The following SDR42E2 variants were observed in gnomAD, a reference collection of about 807,000 sequenced individuals.
SDR42E2 encodes the protein short chain dehydrogenase/reductase family 42E, member 2.
Under a neutral mutation model 10.5 loss-of-function variants are expected in SDR42E2, and 20 were observed. That is an observed-to-expected ratio of 1.90 (90% CI 1.34 to 2.77). SDR42E2 has a LOEUF of 2.77. Among genes scored for constraint, SDR42E2 ranks in the 30% most tolerant of loss-of-function variants. SDR42E2 has a pLI of 0.00. For synonymous variants in SDR42E2, 72 were observed against 39.2 expected (o/e 1.84, Z -3.12); for missense variants, 162 against 104.2 (o/e 1.55, Z -2.42).
chr16:22,174,900 T>C (rs2046631878), intron 7 of SDR42E2, among the ~76,000 whole-genome samples: 1 of 152,134 alleles, frequency 6.6e-6, no homozygotes, highest in Non-Finnish European at 1.5e-5. Context: ...GCAAGCTGTT[T>C]ACAGGAAATC....
chr16:22,168,186 G>A (rs1018474791), intron 4 of SDR42E2, among the ~76,000 whole-genome samples: 1 of 151,980 alleles, frequency 6.6e-6, no homozygotes. Context: ...CTTGAGCCCA[G>A]GAGTTCGAGA....
chr16:22,178,787 G>C (rs2046667601), intron 8 of SDR42E2, among the ~76,000 whole-genome samples: 1 of 152,178 alleles, frequency 6.6e-6, no homozygotes, highest in African/African-American at 2.4e-5. Flanking sequence ...AATTAACCAA[G>C]GAAATGAAGT....
At position 22,172,288 on chromosome 16, in the gene SDR42E2, C is replaced by G. The variant is rs373903951; in HGVS notation, c.546C>G (p.Ile182Met). 17 of 703,224 alleles carry G rather than the reference C, an allele frequency of 2.4e-5. No individual in the cohort carries two copies. The African/African-American group carries it at 3.0e-4, about 12-fold the overall frequency. The allele number at this position is 703,224 out of a possible 1,614,324, so 43.6% of individuals were successfully genotyped here. The change falls in exon 7 of 13, where the codon ATC (isoleucine) becomes ATG (methionine). Residue 182 changes from isoleucine (I) to methionine (M), a missense_variant. Transcript: ENST00000602312. The part of the protein sequence containing the change: ...HVDHYSRTKA[I>M]ADQLTLMANG... ...ACCACTACTCCCGAACCAAAGCCAT[C>G]GCCGACCAATTGACCCTCATGGCCA...
At position 22,186,722 on chromosome 16, in the gene SDR42E2, A is replaced by G. The variant is rs370339463; in HGVS notation, c.942A>G (p.Ala314=). 6.2e-5 allele frequency: 25 copies of G among 401,072 alleles called. No homozygotes were observed. The South Asian group carries it at 8.8e-4, about 14-fold the overall frequency. The allele number at this position is 401,072 out of a possible 1,614,324, so 24.8% of individuals were successfully genotyped here. ...CACTGGCCCCCTCCTTCCCTGCAGCAGCAGTTATGGAGCGCCTCCATCTGG... is the reference window on the plus strand; with the variant it reads ...CACTGGCCCCCTCCTTCCCTGCAGCGGCAGTTATGGAGCGCCTCCATCTGG... The part of the protein sequence containing the change: ...QVPTSWVYLT[A]AVMERLHLAL... Residue 314 remains alanine, a splice_region_variant and synonymous_variant, in exon 12 of 13, where the codon GCA becomes GCG. Coordinates refer to ENST00000602312, the MANE Select transcript of SDR42E2 (RefSeq NM_001394319.2).
At position 22,184,698 on chromosome 16, in the gene SDR42E2, C is replaced by G. The variant is rs76135326; in HGVS notation, c.940+454C>G. On this transcript the variant is annotated intron_variant, in intron 11 of 12. Transcript: ENST00000602312. ...GGTCACAAAATTTAAGGAGGCCACG[C>G]AGCAGCTCCAAGCCTGAGTTTGCAC... Among the ~76,000 whole-genome samples the G allele has an allele frequency of 2.6e-5, 4 of 152,326 alleles. No homozygotes were observed. The East Asian group carries it at 7.7e-4, about 29-fold the overall frequency.
At chr16:22,173,986 C>G (rs1195639827) in intron 7 of SDR42E2, among the ~76,000 whole-genome samples, 1 of 148,278 alleles carries the variant, frequency 6.7e-6, no homozygotes, top group Non-Finnish European at 1.5e-5. Context: ...CCTTCACTAT[C>G]AAAACTATCT....
chr16:22,179,760 C>T (rs1489519034), intron 8 of SDR42E2, among the ~76,000 whole-genome samples: 1 of 150,730 alleles, frequency 6.6e-6, no homozygotes, highest in Admixed American at 6.6e-5. Flanking sequence ...TTGCAGTGAG[C>T]CGAGATTGTG....
intron 10 of SDR42E2, 102 bp downstream of exon 10, chr16:22,182,379 C>A: frequency 2.5e-6 from 1 of 394,446 alleles, no homozygotes; most frequent in Non-Finnish European, 4.5e-6. Context: ...CAGAGTTTTG[C>A]TCTTGTCACC....
chr16:22,177,802 G>C (rs551811723), intron 7 of SDR42E2, among the ~76,000 whole-genome samples: 1 of 151,876 alleles, frequency 6.6e-6, no homozygotes, highest in African/African-American at 2.4e-5. Flanking sequence ...TAAACAGACC[G>C]GCCGTGCAGA....
chr16:22,165,156 C>T (rs916913071), intron 1 of SDR42E2, among the ~76,000 whole-genome samples: 42 of 152,148 alleles, frequency 2.8e-4, no homozygotes, highest in Non-Finnish European at 8.8e-5. Flanking sequence ...GGCACCATCT[C>T]AGCTCACTGC....
At position 22,166,242 on chromosome 16, in the gene SDR42E2, A is replaced by G. The variant is rs190713594; in HGVS notation, c.56-8A>G. On this transcript the variant is annotated splice_polypyrimidine_tract_variant and splice_region_variant and intron_variant, in intron 2 of 12. Coordinates refer to ENST00000602312, the MANE Select transcript of SDR42E2 (RefSeq NM_001394319.2). Reference sequence around the variant, plus strand: ...GACCCAGTGAGTCAACAACAACCCCAACACCAGCGCCGCAGCAGAAGACTC... The same window carrying G: ...GACCCAGTGAGTCAACAACAACCCCGACACCAGCGCCGCAGCAGAAGACTC... The G allele has an allele frequency of 1.5e-5, 6 of 403,406 alleles. No homozygotes were observed. Among genetic ancestry groups the G allele is most frequent in the Admixed American group, 8.8e-5 (2 of 22,776 alleles). The allele number at this position is 403,406 out of a possible 1,614,324, so 25.0% of individuals were successfully genotyped here. A position where few individuals can be genotyped will look rare whatever the true frequency, so the allele number is the denominator to read the frequency against.
In SDR42E2 at chr16:22,191,551, G is replaced by GT; in HGVS notation, c.*1160dup. ...GCTTCTCATTCACACAGATCTGTGTGTTGACAGCCAGGGTTTGGGGAAAAA... is the reference window on the plus strand; with the variant it reads ...GCTTCTCATTCACACAGATCTGTGTGTTTGACAGCCAGGGTTTGGGGAAAAA... On this transcript the variant is annotated 3_prime_UTR_variant, in exon 13 of 13. Transcript: ENST00000602312. The GT allele has an allele frequency of 6.6e-6, 1 of 152,258 alleles. No homozygotes were observed. Among genetic ancestry groups the GT allele is most frequent in the Middle Eastern group, 3.4e-3 (1 of 294 alleles). The allele number at this position is 152,258 out of a possible 1,614,324, so 9.4% of individuals were successfully genotyped here.
chr16:22,189,179 C>T (rs930676600), intron 12 of SDR42E2, among the ~76,000 whole-genome samples: 2 of 152,106 alleles, frequency 1.3e-5, no homozygotes, highest in African/African-American at 4.8e-5. Context: ...CTCTCCTCAC[C>T]CCCCATTAAG....
chr16:22,185,736 C>T (rs772638975), intron 11 of SDR42E2, among the ~76,000 whole-genome samples: 65 of 151,920 alleles, frequency 4.3e-4, no homozygotes, highest in Admixed American at 1.6e-3. Context: ...CCTCTCAAGC[C>T]TCTAGGACTA....
intron 12 of SDR42E2, among the ~76,000 whole-genome samples, chr16:22,188,539 G>A (rs2046750565): frequency 6.6e-6 from 1 of 152,184 alleles, no homozygotes; most frequent in African/African-American, 2.4e-5. Context: ...CACTTAAATG[G>A]TAGAGCTGGG....
rs988793379 is a variant in SDR42E2 at position 22,166,988 on chromosome 16, G to A, written c.325G>A (p.Gly109Arg). Residue 109 changes from glycine to arginine, a missense_variant, in exon 4 of 13, where the codon GGG (glycine) becomes AGG (arginine). Transcript: ENST00000602312. The stretch of plus-strand genomic sequence containing the variant: ...CCACGTGGCTTCCTATGGAATGTCC[G>A]GGGCTGAGAAGGTGGGCTCCTCACA... ...VFHVASYGMS[G>R]AEKLQKEQIE... 10 of 702,010 alleles carry A rather than the reference G, an allele frequency of 1.4e-5. No individual in the cohort carries two copies. Among genetic ancestry groups the A allele is most frequent in the African/African-American group, 5.2e-5 (3 of 57,146 alleles). 43.5% of individuals were successfully genotyped at this position (702,010 alleles called of 1,614,324 possible).
intron 12 of SDR42E2, among the ~76,000 whole-genome samples, chr16:22,187,830 G>GC (rs927024369): frequency 6.6e-6 from 1 of 151,940 alleles, no homozygotes; most frequent in Non-Finnish European, 1.5e-5. Flanking sequence ...GGGCACGGTG[G>GC]CTCACACTTG....
Position 22,187,971 on chromosome 16 carries a change from C to T in SDR42E2, c.1014+1177C>T, listed in dbSNP as rs1598147031. Among the ~76,000 whole-genome samples the T allele has an allele frequency of 2.6e-5, 4 of 152,076 alleles. No homozygotes were observed. In the South Asian group the frequency reaches 8.3e-4, roughly 32 times the overall value. On this transcript the variant is annotated intron_variant, in intron 12 of 12. Coordinates refer to ENST00000602312, the MANE Select transcript of SDR42E2 (RefSeq NM_001394319.2). Reference sequence around the variant, plus strand: ...ATTAGCTGGGTGTGGTGGCACATACCTGTAGTCCCAGCTACTCGGGATGCT... The same window carrying T: ...ATTAGCTGGGTGTGGTGGCACATACTTGTAGTCCCAGCTACTCGGGATGCT...
intron 6 of SDR42E2, 121 bp from the exon 7 acceptor site, chr16:22,172,135 C>T (rs2046606604): frequency 1.7e-5 from 11 of 661,576 alleles, no homozygotes; most frequent in Non-Finnish European, 3.0e-5. Flanking sequence ...CCATGGGGCT[C>T]AGGGCCTGGC....
Sources: allele counts gnomAD v4.1 joint callset (sites outside exome capture counted in the v4.1 genomes callset), GRCh38; gene constraint gnomAD v4.1.1; transcripts MANE v1.5; gene names NCBI Gene and HGNC (gene_info 2026-07-23, HGNC 2026-07-21).